ATP11A: variants seen among roughly 807,000 people sequenced by gnomAD.
ATP11A encodes phospholipid-transporting ATPase IH.
Under a neutral mutation model 154.4 loss-of-function variants are expected in ATP11A, and 81 were observed. The observed-to-expected ratio is 0.52, with a 90% CI of 0.44 to 0.63. The LOEUF (loss-of-function observed/expected upper bound fraction) is 0.63, where lower values mean the gene tolerates loss of function less well. ATP11A is among the 30% of genes least tolerant of loss of function. ATP11A has a pLI of 0.00. For synonymous variants in ATP11A, 623 were observed against 585.9 expected, an observed-to-expected ratio of 1.06 and a Z score of -0.91; for missense variants, 1,316 against 1,474.3, an observed-to-expected ratio of 0.89 and a Z score of 1.76.
At position 112,753,302 on chromosome 13, in the gene ATP11A, AT is replaced by A. The variant is rs774447648; in HGVS notation, c.40-31832del. On this transcript the variant is annotated intron_variant, in intron 1 of 29. Coordinates refer to ENST00000375645, the MANE Select transcript of ATP11A (RefSeq NM_015205.3). The surrounding 1 kb of genome is among the most constrained non-coding windows in gnomAD (Gnocchi z 4.1). ...TCTGCTTTTATAAATAGTGCTGCAGATGCCTTGTGAGTACATCAGCTATATT... is the reference window on the plus strand; with the variant it reads ...TCTGCTTTTATAAATAGTGCTGCAGAGCCTTGTGAGTACATCAGCTATATT... Among the ~76,000 whole-genome samples the A allele has an allele frequency of 4.3e-4, 66 of 152,154 alleles. No individual in the cohort carries two copies. Among genetic ancestry groups the A allele is most frequent in the Non-Finnish European group, 7.9e-4 (54 of 68,028 alleles).
chr13:112,721,235 G>T (rs536463277), intron 1 of ATP11A, among the ~76,000 whole-genome samples: 1 of 152,106 alleles, frequency 6.6e-6, no homozygotes, highest in Non-Finnish European at 1.5e-5. Flanking sequence ...GGAAGTTGCT[G>T]GAACCCTCTG....
chr13:112,707,591 A>C (rs1488223682), intron 1 of ATP11A, among the ~76,000 whole-genome samples: 1 of 152,134 alleles, frequency 6.6e-6, no homozygotes, highest in Non-Finnish European at 1.5e-5. Context: ...TAGCCATTCC[A>C]CAGTCGACCG....
intron 1 of ATP11A, among the ~76,000 whole-genome samples, chr13:112,779,595 C>CA (rs2077449176): frequency 6.6e-6 from 1 of 152,196 alleles, no homozygotes; most frequent in South Asian, 2.1e-4. Flanking sequence ...AAGACTGAAA[C>CA]AGAGAAGCAC....
intron 1 of ATP11A, among the ~76,000 whole-genome samples, chr13:112,734,849 A>G (rs1425335013): frequency 1.3e-5 from 2 of 152,154 alleles, no homozygotes; most frequent in Non-Finnish European, 2.9e-5. Context: ...CCAAAAGGTA[A>G]GCATGGTTCT....
chr13:112,840,463 A>T (rs970617163), intron 16 of ATP11A, among the ~76,000 whole-genome samples: 6 of 16,846 alleles, frequency 3.6e-4, no homozygotes, highest in Admixed American at 1.8e-3. Context: ...ATCCCCCCCC[A>T]GCCTCAGCCT....
chr13:112,873,573 C>G lies in ATP11A; in HGVS notation c.3058C>G (p.Leu1020Val). 1 of 1,584,880 alleles carries G rather than the reference C, an allele frequency of 6.3e-7. No homozygotes were observed. The highest frequency in any genetic ancestry group is 8.5e-7 in the Non-Finnish European group (1 of 1,170,328). The part of the protein sequence containing the change: ...TVMVFTVTLK[L>V]ALDTHYWTWI... ...ACTGCCCTTTTTTTTTTCCTTTTAG[C>G]TTGCATTGGACACACACTACTGGAC... The change falls in exon 27 of 30, where the codon CTT (leucine) becomes GTT (valine). Residue 1020 changes from leucine (L) to valine (V), a missense_variant and splice_region_variant. Physicochemically the swap from Leu to Val is conservative, Grantham distance 32. Coordinates refer to ENST00000375645, the MANE Select transcript of ATP11A (RefSeq NM_015205.3).
At position 112,854,460 on chromosome 13, in the gene ATP11A, G is replaced by A. The variant is rs1359573314; in HGVS notation, c.2173G>A (p.Asp725Asn). ...TKRIEEQSLH[D>N]VLFELSKTVL... is the part of the protein sequence containing the mutation. ...GAGGATCGAGGAGCAGAGCCTGCAC[G>A]ACGTCCTGTTCGAGCTGAGCAAGAC... The change falls in exon 19 of 30, where the codon GAC becomes AAC. Residue 725 changes from aspartate to asparagine, a missense_variant. Asp to Asn is a conservative substitution (Grantham distance 23). Around this residue, in one of 5 missense-constraint regions of ATP11A, gnomAD observed 876 missense variants for 1,006.8 expected, o/e 0.87. Transcript: ENST00000375645. 6.8e-6 allele frequency: 11 copies of A among 1,612,628 alleles called. No individual in the cohort carries two copies. The highest frequency in any genetic ancestry group is 2.7e-5 in the African/African-American group (2 of 74,892).
chr13:112,760,906 C>T (rs533127409), intron 1 of ATP11A, among the ~76,000 whole-genome samples: 20 of 152,220 alleles, frequency 1.3e-4, no homozygotes, highest in Admixed American at 9.2e-4. Flanking sequence ...GATGATGACC[C>T]CTTAGCCACA....
intron 20 of ATP11A, chr13:112,856,909 A>G (rs1267448105): frequency 6.6e-6 from 1 of 152,198 alleles, no homozygotes; most frequent in Non-Finnish European, 1.5e-5. Flanking sequence ...AATTTCACTA[A>G]AAACACAGAA....
Position 112,746,412 on chromosome 13 carries a change from CTG to C in ATP11A, c.40-38722_40-38721del, listed in dbSNP as rs1324485326. 3.3e-5 allele frequency: 5 copies of C among 151,778 alleles called. No homozygotes were observed. Among genetic ancestry groups the C allele is most frequent in the African/African-American group, 1.2e-4 (5 of 41,306 alleles). The allele number at this position is 151,778 out of a possible 1,614,324, so 9.4% of individuals were successfully genotyped here. ...GGTTCCCCACGTCCTCACCGGGTAACTGGGGTTCCGGCTCCCCGCGTCCTCCC... is the reference window on the plus strand; with the variant it reads ...GGTTCCCCACGTCCTCACCGGGTAACGGGTTCCGGCTCCCCGCGTCCTCCC... On this transcript the variant is annotated intron_variant, in intron 1 of 29. Coordinates refer to ENST00000375645, the MANE Select transcript of ATP11A (RefSeq NM_015205.3). The surrounding 1 kb of genome is among the most constrained non-coding windows in gnomAD (Gnocchi z 4.1).
In ATP11A at chr13:112,735,449, C is replaced by A. The variant is rs116167849; in HGVS notation, c.39+44994C>A. ...ACAGCCGTGATTTCTACGGGTTTGT[C>A]AACAGAACTCCTTCTCAAAGCATTT... On this transcript the variant is annotated intron_variant, in intron 1 of 29. Coordinates refer to ENST00000375645, the MANE Select transcript of ATP11A (RefSeq NM_015205.3). Among the ~76,000 whole-genome samples, 670 of 152,266 alleles carry A rather than the reference C, an allele frequency of 4.4e-3. 7 individuals carry two copies. Among genetic ancestry groups the A allele is most frequent in the African/African-American group, 0.015 (631 of 41,562 alleles).
At chr13:112,767,424 A>G (rs1276446722) in intron 1 of ATP11A, among the ~76,000 whole-genome samples, 1 of 29,436 alleles carries the variant, frequency 3.4e-5, no homozygotes, top group African/African-American at 1.9e-4. Context: ...AGGTGGGGAG[A>G]TGTGGGGGTG....
At chr13:112,701,388 A>T (rs1426361965) in intron 1 of ATP11A, among the ~76,000 whole-genome samples, 1 of 152,150 alleles carries the variant, frequency 6.6e-6, no homozygotes, top group Non-Finnish European at 1.5e-5. Flanking sequence ...AAGGTTATAG[A>T]ATACAGGAAT....
chr13:112,756,819 TCTGCTCCCAGCACGGGGC>T (rs1566434482), intron 1 of ATP11A, among the ~76,000 whole-genome samples: 3 of 150,748 alleles, frequency 2.0e-5, no homozygotes, highest in South Asian at 2.1e-4. Flanking sequence ...CAGCGAGGGG[TCTGCTCCCAGCACGGGGC>T]CTGCTCCCAG....
In ATP11A at chr13:112,862,370, C is replaced by T. The variant is rs187786028; in HGVS notation, c.2856-70C>T. On this transcript the variant is annotated intron_variant, in intron 24 of 29. Coordinates refer to ENST00000375645, the MANE Select transcript of ATP11A (RefSeq NM_015205.3). ...GAAGACAACGTCCAGGGATGGCCAC[C>T]CCAGAGCCTGGGGGAGGTGCCGGGC... 698 of 1,592,770 alleles carry T rather than the reference C, an allele frequency of 4.4e-4. 1 individual carries two copies. The highest frequency in any genetic ancestry group is 6.8e-4 in the Middle Eastern group (3 of 4,410).
chr13:112,701,555 G>A lies in ATP11A; in HGVS notation c.39+11100G>A, dbSNP rs189457750. Among the ~76,000 whole-genome samples the A allele has an allele frequency of 1.0e-3, 159 of 152,310 alleles. No homozygotes were observed. In the East Asian group the frequency reaches 0.012, roughly 12 times the overall value. ...CTATAAAAAATTATCTGTCAGGGCC[G>A]GGCGCGGTGGCTCATGCCTGTAATC... On this transcript the variant is annotated intron_variant, in intron 1 of 29. Transcript: ENST00000375645.
At chr13:112,817,115 C>A (rs541136055) in intron 6 of ATP11A, among the ~76,000 whole-genome samples, 5 of 152,124 alleles carry the variant, frequency 3.3e-5, no homozygotes, top group Admixed American at 6.5e-5. Context: ...AGATATAGCA[C>A]CATTAATTTT....
intron 26 of ATP11A, among the ~76,000 whole-genome samples, chr13:112,872,018 G>A (rs372485246): frequency 6.6e-6 from 1 of 152,166 alleles, no homozygotes; most frequent in East Asian, 1.9e-4. Context: ...CACCCCATGT[G>A]CAAACCCCAG....
At chr13:112,730,264 G>C (rs1355755649) in intron 1 of ATP11A, among the ~76,000 whole-genome samples, 1 of 152,214 alleles carries the variant, frequency 6.6e-6, no homozygotes, top group Non-Finnish European at 1.5e-5. Context: ...TTCTGTACCG[G>C]AGGCGATGCT....
Sources: gnomAD v4.1 joint callset for allele counts (sites outside exome capture counted in the v4.1 genomes callset) on GRCh38, gnomAD v4.1.1 for gene constraint, gnomAD v4.1.1 regional missense constraint, Gnocchi (gnomAD v3.1) non-coding constraint, MANE v1.5 for transcripts, NCBI Gene and HGNC (gene_info 2026-07-23, HGNC 2026-07-21) for gene names.